MRPS5: variants seen among roughly 807,000 people sequenced by gnomAD.
MRPS5 encodes small ribosomal subunit protein uS5m.
In MRPS5, 27 loss-of-function variants were observed where a neutral mutation model predicts 51.9. That is an observed-to-expected ratio of 0.52 (90% CI 0.38 to 0.72). The LOEUF (loss-of-function observed/expected upper bound fraction) is 0.72, where lower values mean the gene tolerates loss of function less well. MRPS5 is among the 30% of genes least tolerant of loss of function. The pLI, the probability that MRPS5 is intolerant of heterozygous loss-of-function variation, is 0.00. For missense variants in MRPS5, 570 were observed against 545.7 expected, an observed-to-expected ratio of 1.04 and a Z score of -0.44; for synonymous variants, 196 against 193.2, an observed-to-expected ratio of 1.01 and a Z score of -0.12.
At chr2:95,098,640 G>T (rs1351329734) in intron 10 of MRPS5, among the ~76,000 whole-genome samples, 6 of 152,004 alleles carry the variant, frequency 3.9e-5, no homozygotes. Context: ...TGAACAATGA[G>T]AACACTTGGA....
rs1225294708 is a variant in MRPS5 at position 95,087,072 on chromosome 2, A to T, written c.*285T>A. On this transcript the variant is annotated 3_prime_UTR_variant, in exon 12 of 12. Coordinates refer to ENST00000272418, the MANE Select transcript of MRPS5 (RefSeq NM_031902.5). ...ATTATCATTGTGTACATTATTACTG[A>T]TTGGGTCAAATTATTAACCCCGTCT... 1 of 322,952 alleles carries T rather than the reference A, an allele frequency of 3.1e-6. No individual in the cohort carries two copies. The highest frequency in any genetic ancestry group is 5.6e-6 in the Non-Finnish European group (1 of 178,240). The allele number at this position is 322,952 out of a possible 1,614,324, so 20.0% of individuals were successfully genotyped here. A position where few individuals can be genotyped will look rare whatever the true frequency, so the allele number is the denominator to read the frequency against.
At position 95,086,992 on chromosome 2, in the gene MRPS5, T is replaced by G. The variant is rs1675309281; in HGVS notation, c.*365A>C. 6.6e-6 allele frequency among the ~76,000 whole-genome samples: 1 copy of G among 152,192 alleles called. No homozygotes were observed. Among genetic ancestry groups the G allele is most frequent in the African/African-American group, 2.4e-5 (1 of 41,448 alleles). On this transcript the variant is annotated 3_prime_UTR_variant, in exon 12 of 12. Coordinates refer to ENST00000272418, the MANE Select transcript of MRPS5 (RefSeq NM_031902.5). ...TAACTGCTCTGTAAAATGAAGTTAATCACATTCACTTTGGATGAATGAGTT... is the reference window on the plus strand; with the variant it reads ...TAACTGCTCTGTAAAATGAAGTTAAGCACATTCACTTTGGATGAATGAGTT...
upstream of MRPS5, chr2:95,121,837 C>T (rs1268857155): frequency 2.0e-6 from 3 of 1,501,000 alleles, no homozygotes; most frequent in Non-Finnish European, 2.7e-6. Flanking sequence ...GGCAGCCTTG[C>T]CCACCGCCTA....
rs1348121086 is a variant in MRPS5 at position 95,085,827 on chromosome 2, C to T, written c.*1530G>A. 1.3e-5 allele frequency among the ~76,000 whole-genome samples: 2 copies of T among 152,044 alleles called. No individual in the cohort carries two copies. Among genetic ancestry groups the T allele is most frequent in the Non-Finnish European group, 2.9e-5 (2 of 68,022 alleles). ...ATACAGCCAAAGTCACTCATCATAA[C>T]AAGAACTAGGACATTGTAAACTTGA... is the stretch of plus-strand genomic sequence containing the variant. On this transcript the variant is annotated 3_prime_UTR_variant, in exon 12 of 12. Coordinates refer to ENST00000272418, the MANE Select transcript of MRPS5 (RefSeq NM_031902.5).
intron 10 of MRPS5, among the ~76,000 whole-genome samples, chr2:95,094,874 A>C (rs1267666929): frequency 6.6e-6 from 1 of 152,240 alleles, no homozygotes; most frequent in Non-Finnish European, 1.5e-5. Context: ...AAATTCACAC[A>C]TAACAATATT....
intron 9 of MRPS5, 52 bp from the exon 10 acceptor site, chr2:95,100,588 G>A (rs1300768261): frequency 7.2e-7 from 1 of 1,392,188 alleles, no homozygotes; most frequent in Non-Finnish European, 1.0e-6. Context: ...GCTTTAATAA[G>A]CCTTTGCAAA....
chr2:95,090,335 C>G, intron 11 of MRPS5, 51 bp downstream of exon 11: 1 of 1,601,300 alleles, frequency 6.2e-7, no homozygotes, highest in Non-Finnish European at 8.5e-7. Flanking sequence ...CCAACACACA[C>G]AACTGAAATA....
At position 95,087,131 on chromosome 2, in the gene MRPS5, A is replaced by G; in HGVS notation, c.*226T>C. 1 of 447,204 alleles carries G rather than the reference A, an allele frequency of 2.2e-6. No homozygotes were observed. The highest frequency in any genetic ancestry group is 3.9e-6 in the Non-Finnish European group (1 of 255,116). The allele number at this position is 447,204 out of a possible 1,614,324, so 27.7% of individuals were successfully genotyped here. On this transcript the variant is annotated 3_prime_UTR_variant, in exon 12 of 12. Coordinates refer to ENST00000272418, the MANE Select transcript of MRPS5 (RefSeq NM_031902.5). ...CATTTACTTTTGTTACTTTGGATGA[A>G]TATTTAAAGTAGTCTTGAACTGAGA... is the stretch of plus-strand genomic sequence containing the variant.
chr2:95,112,177 G>A (rs2104423000), intron 3 of MRPS5, among the ~76,000 whole-genome samples: 1 of 152,176 alleles, frequency 6.6e-6, no homozygotes. Flanking sequence ...AGATTCTCCT[G>A]CCTCAGCCTC....
chr2:95,098,167 A>G (rs1014142702), intron 10 of MRPS5, among the ~76,000 whole-genome samples: 121 of 152,340 alleles, frequency 7.9e-4, no homozygotes, highest in African/African-American at 2.7e-3. Context: ...TTAGAATGGC[A>G]ATCATTAAAA....
intron 7 of MRPS5, among the ~76,000 whole-genome samples, chr2:95,102,166 A>G (rs1675822530): frequency 6.6e-6 from 1 of 151,758 alleles, no homozygotes; most frequent in Non-Finnish European, 1.5e-5. Flanking sequence ...CAAAAAAAAA[A>G]AACCTAACAA....
At chr2:95,090,342 A>T (rs779092172) in intron 11 of MRPS5, 44 bp downstream of exon 11, 1 of 1,605,686 alleles carries the variant, frequency 6.2e-7, no homozygotes, top group African/African-American at 1.3e-5. Flanking sequence ...ACACAACTGA[A>T]ATACAAACTA....
At position 95,100,861 on chromosome 2, in the gene MRPS5, T is replaced by C. The variant is rs775408783; in HGVS notation, c.844A>G (p.Ile282Val). Residue 282 changes from isoleucine (I) to valine (V), a missense_variant, in exon 9 of 12, where the codon ATA (isoleucine) becomes GTA (valine). Physicochemically the swap from Ile to Val is conservative, Grantham distance 29 (BLOSUM62 3). Transcript: ENST00000272418. ...KNRAVHHLHY[I>V]ERYEDHTIFH... is the part of the protein sequence containing the mutation. Reference sequence around the variant, plus strand: ...CTTGTATGGTCTTCATATCGTTCTATATAATGCAAATGGTGAACTGCTCTG... The same window carrying C: ...CTTGTATGGTCTTCATATCGTTCTACATAATGCAAATGGTGAACTGCTCTG... The C allele has an allele frequency of 3.7e-6, 6 of 1,608,496 alleles. No homozygotes were observed. Among genetic ancestry groups the C allele is most frequent in the South Asian group, 2.2e-5 (2 of 89,764 alleles).
intron 4 of MRPS5, among the ~76,000 whole-genome samples, chr2:95,109,663 G>T (rs1330442305): frequency 6.6e-6 from 1 of 152,184 alleles, no homozygotes; most frequent in Non-Finnish European, 1.5e-5. Context: ...TAACCTATTT[G>T]AGGGCAGGCA....
chr2:95,106,692 T>A, intron 5 of MRPS5: 1 of 560,438 alleles, frequency 1.8e-6, no homozygotes, highest in South Asian at 2.1e-5. Flanking sequence ...CCCATCCATC[T>A]CTCATCAGCT....
intron 10 of MRPS5, among the ~76,000 whole-genome samples, chr2:95,098,056 T>C (rs376274749): frequency 6.6e-6 from 1 of 152,172 alleles, no homozygotes; most frequent in Non-Finnish European, 1.5e-5. Flanking sequence ...ACAGACACTT[T>C]TCAAAAGAAG....
intron 10 of MRPS5, among the ~76,000 whole-genome samples, chr2:95,098,918 ATTATT>A (rs1199387673): frequency 3.2e-4 from 17 of 52,574 alleles, no homozygotes; most frequent in Admixed American, 1.9e-3. Context: ...TATTATTATT[ATTATT>A]TTTTTTTTTT....
Position 95,085,731 on chromosome 2 carries a change from G to A in MRPS5, c.*1626C>T, listed in dbSNP as rs371502034. 8.5e-5 allele frequency among the ~76,000 whole-genome samples: 13 copies of A among 152,218 alleles called. No homozygotes were observed. In the East Asian group the frequency reaches 2.5e-3, roughly 29 times the overall value. ...CGAGGCAGTGCCCCATCCCATACCAGCACCGTCAGAGGAAGCATGCTGAGA... is the reference window on the plus strand; with the variant it reads ...CGAGGCAGTGCCCCATCCCATACCAACACCGTCAGAGGAAGCATGCTGAGA... On this transcript the variant is annotated 3_prime_UTR_variant, in exon 12 of 12. Transcript: ENST00000272418.
intron 3 of MRPS5, among the ~76,000 whole-genome samples, chr2:95,114,104 G>C (rs1676210388): frequency 8.8e-6 from 1 of 113,074 alleles, no homozygotes; most frequent in Admixed American, 1.2e-4. Context: ...TGGTGACAAA[G>C]CGAGACTCCA....
Sources: allele counts gnomAD v4.1 joint callset (sites outside exome capture counted in the v4.1 genomes callset), GRCh38; gene constraint gnomAD v4.1.1; transcripts MANE v1.5; gene names NCBI Gene and HGNC (gene_info 2026-07-23, HGNC 2026-07-21).